The following QNG1 variants were observed in gnomAD, a reference collection of about 807,000 sequenced individuals.
QNG1 encodes the protein Q-nucleotide N-glycosylase 1, also known as queuosine 5'-phosphate N-glycosylase/hydrolase.
the QNG1 span, among the ~76,000 whole-genome samples, chr9:83,943,331 CAAAAAAAAAAAAAAA>C: frequency 8.0e-5 from 5 of 62,550 alleles, no homozygotes; most frequent in Non-Finnish European, 1.0e-4. Flanking sequence ...CAGAGCGTCT[CAAAAAAAAAAAAAAA>C]AAAAAAAAAA....
the QNG1 span, among the ~76,000 whole-genome samples, chr9:83,950,367 T>G: frequency 6.6e-6 from 1 of 152,126 alleles, no homozygotes; most frequent in Non-Finnish European, 1.5e-5. Context: ...AAACATTTTC[T>G]TGGTAAGCTC....
At chr9:83,955,487 C>A in the QNG1 span, 2 of 1,614,176 alleles carry the variant, frequency 1.2e-6, no homozygotes, top group Non-Finnish European at 1.7e-6. Flanking sequence ...AAAAGAGCCT[C>A]CAAACTTCTC....
the QNG1 span, among the ~76,000 whole-genome samples, chr9:83,947,389 T>C: frequency 6.6e-6 from 1 of 152,222 alleles, no homozygotes; most frequent in Non-Finnish European, 1.5e-5. Flanking sequence ...TACCCTGTCA[T>C]AACAAGAAAT....
the QNG1 span, among the ~76,000 whole-genome samples, chr9:83,955,951 C>A: frequency 6.6e-6 from 1 of 152,170 alleles, no homozygotes; most frequent in African/African-American, 2.4e-5. Context: ...GCTACTGTAA[C>A]TTTTATGCTG....
chr9:83,940,261 C>T, the QNG1 span, among the ~76,000 whole-genome samples: 30 of 151,932 alleles, frequency 2.0e-4, no homozygotes, highest in Admixed American at 6.6e-5. Context: ...AAAAATTAGC[C>T]AGGCATGGTG....
chr9:83,955,221 CAT>C, the QNG1 span, among the ~76,000 whole-genome samples: 1 of 152,138 alleles, frequency 6.6e-6, no homozygotes, highest in Non-Finnish European at 1.5e-5. Context: ...CAAAAGAAAA[CAT>C]AAGAAATGAC....
the QNG1 span, among the ~76,000 whole-genome samples, chr9:83,954,140 T>C: frequency 7.9e-5 from 12 of 151,844 alleles, no homozygotes; most frequent in Non-Finnish European, 1.6e-4. Flanking sequence ...TTGATCCACC[T>C]ACCTAGGCCT....
At chr9:83,956,779 T>C in the QNG1 span, 16 of 365,968 alleles carry the variant, frequency 4.4e-5, no homozygotes, top group African/African-American at 3.1e-4. Flanking sequence ...TCGGGCGCGC[T>C]CTCAGGCTCC....
At chr9:83,944,848 C>T in the QNG1 span, 2 of 1,613,846 alleles carry the variant, frequency 1.2e-6, no homozygotes, top group Non-Finnish European at 1.7e-6. Flanking sequence ...CCAAGATGAG[C>T]AAGAACCTGA....
chr9:83,956,246 G>C, the QNG1 span: 2 of 1,614,044 alleles, frequency 1.2e-6, no homozygotes, highest in Non-Finnish European at 8.5e-7. Context: ...CCACACACTT[G>C]TGCTCGTCCT....
At chr9:83,944,701 T>C in the QNG1 span, 1 of 985,950 alleles carries the variant, frequency 1.0e-6, no homozygotes, top group South Asian at 1.5e-5. Flanking sequence ...AAATAGTACT[T>C]TTTTTTTAAA....
chr9:83,950,596 CTTTTTT>C, the QNG1 span, among the ~76,000 whole-genome samples: 5 of 118,324 alleles, frequency 4.2e-5, no homozygotes, highest in African/African-American at 9.7e-5. Flanking sequence ...CTTTTCTTTT[CTTTTTT>C]TTTTTTTTTT....
the QNG1 span, among the ~76,000 whole-genome samples, chr9:83,944,122 G>A: frequency 6.6e-6 from 1 of 152,090 alleles, no homozygotes; most frequent in Non-Finnish European, 1.5e-5. Context: ...AGGAATTCAA[G>A]ACCAACCTGG....
chr9:83,941,597 AAAAAG>A, the QNG1 span, among the ~76,000 whole-genome samples: 1 of 152,142 alleles, frequency 6.6e-6, no homozygotes, highest in African/African-American at 2.4e-5. Flanking sequence ...TTTCTAAACA[AAAAAG>A]AAAGCAAGCA....
chr9:83,941,443 A>G, the QNG1 span, among the ~76,000 whole-genome samples: 1 of 152,176 alleles, frequency 6.6e-6, no homozygotes, highest in Non-Finnish European at 1.5e-5. Flanking sequence ...GTAGCCAGGC[A>G]TGGTGGTATG....
At chr9:83,946,667 G>C in the QNG1 span, among the ~76,000 whole-genome samples, 2 of 152,156 alleles carry the variant, frequency 1.3e-5, no homozygotes, top group Non-Finnish European at 2.9e-5. Context: ...CCAGAGGATT[G>C]TTTGAAGCCA....
At chr9:83,940,579 G>A in the QNG1 span, among the ~76,000 whole-genome samples, 1 of 152,178 alleles carries the variant, frequency 6.6e-6, no homozygotes, top group Non-Finnish European at 1.5e-5. Flanking sequence ...GATGCAAACT[G>A]TAGTGAGCGA....
the QNG1 span, among the ~76,000 whole-genome samples, chr9:83,946,044 C>T: frequency 8.3e-3 from 1,254 of 151,978 alleles, 7 homozygotes; most frequent in African/African-American, 0.01. Flanking sequence ...TGGTGGCTCA[C>T]GCCTGTAATC....
At chr9:83,945,706 A>G in the QNG1 span, among the ~76,000 whole-genome samples, 4 of 151,942 alleles carry the variant, frequency 2.6e-5, no homozygotes, top group African/African-American at 7.3e-5. Flanking sequence ...GGTTCACGCC[A>G]TTCTCCTGCC....
Sources: allele counts gnomAD v4.1 joint callset (sites outside exome capture counted in the v4.1 genomes callset), GRCh38; gene constraint gnomAD v4.1.1; transcripts MANE v1.5; gene names NCBI Gene and HGNC (gene_info 2026-07-23, HGNC 2026-07-21).